HS3ST5: variants seen among roughly 807,000 people sequenced by gnomAD.
HS3ST5 encodes the protein heparan sulfate-glucosamine 3-sulfotransferase 5.
Under a neutral mutation model 25.4 loss-of-function variants are expected in HS3ST5, and 10 were observed. The ratio of observed to expected loss-of-function variants is 0.39; its 90% CI spans 0.24 to 0.67. The LOEUF (loss-of-function observed/expected upper bound fraction) is 0.67. Ranked by LOEUF, HS3ST5 falls within the 30% of genes least tolerant of loss-of-function variation. HS3ST5 has a pLI of 0.44. For missense variants in HS3ST5, 324 were observed against 420.7 expected (o/e 0.77, Z 2.01); for synonymous variants, 170 against 162.4 (o/e 1.05, Z -0.36).
chr6:114,337,824 T>G (rs1776669042), intron 1 of HS3ST5, among the ~76,000 whole-genome samples: 1 of 152,132 alleles, frequency 6.6e-6, no homozygotes, highest in African/African-American at 2.4e-5. Context: ...CTACCTGGAC[T>G]CAAATGCCAA....
intron 1 of HS3ST5, among the ~76,000 whole-genome samples, chr6:114,313,906 T>A (rs1305425270): frequency 6.9e-6 from 1 of 144,996 alleles, no homozygotes. Context: ...TTAACTAGAT[T>A]GTTGGATCTA....
chr6:114,274,851 G>A (rs957901906), intron 1 of HS3ST5, among the ~76,000 whole-genome samples: 5 of 151,860 alleles, frequency 3.3e-5, no homozygotes, highest in African/African-American at 1.2e-4. Context: ...CTGAGAATGT[G>A]TCAGAGTCAT....
chr6:114,336,525 T>C (rs1484709595), intron 1 of HS3ST5, among the ~76,000 whole-genome samples: 1 of 152,228 alleles, frequency 6.6e-6, no homozygotes, highest in Non-Finnish European at 1.5e-5. Context: ...CGAAATCACT[T>C]GAACCCAAGA....
chr6:114,188,340 CATTT>C (rs1315623700), intron 2 of HS3ST5, among the ~76,000 whole-genome samples: 8 of 152,168 alleles, frequency 5.3e-5, no homozygotes, highest in Non-Finnish European at 8.8e-5. Context: ...TCTGCCATAG[CATTT>C]AGCACAATTG....
intron 2 of HS3ST5, among the ~76,000 whole-genome samples, chr6:114,187,861 G>C (rs542879168): frequency 6.6e-6 from 1 of 152,200 alleles, no homozygotes; most frequent in East Asian, 1.9e-4. Flanking sequence ...AGCGACCACA[G>C]ACCTGACCAG....
At chr6:114,154,372 T>C (rs1028956980) in intron 3 of HS3ST5, among the ~76,000 whole-genome samples, 26 of 152,052 alleles carry the variant, frequency 1.7e-4, no homozygotes, top group African/African-American at 6.0e-4. Flanking sequence ...AAAATTTGGA[T>C]TGAGACTGAG....
intron 3 of HS3ST5, among the ~76,000 whole-genome samples, chr6:114,105,990 T>C (rs918731227): frequency 7.9e-5 from 12 of 152,182 alleles, no homozygotes; most frequent in African/African-American, 2.9e-4. Context: ...ACCAGTAAGC[T>C]GTAATGTTGT....
chr6:114,253,046 G>T (rs1772736565), intron 1 of HS3ST5, among the ~76,000 whole-genome samples: 1 of 152,074 alleles, frequency 6.6e-6, no homozygotes, highest in African/African-American at 2.4e-5. Flanking sequence ...TTAGGTGGGT[G>T]GGTATTGTAG....
intron 1 of HS3ST5, among the ~76,000 whole-genome samples, chr6:114,265,133 C>T (rs1448349914): frequency 7.9e-5 from 12 of 152,098 alleles, no homozygotes; most frequent in African/African-American, 2.9e-4. Context: ...GATCTTCTGG[C>T]CTCAGCCTCC....
chr6:114,096,101 C>T (rs1775410989), intron 3 of HS3ST5, among the ~76,000 whole-genome samples: 1 of 152,176 alleles, frequency 6.6e-6, no homozygotes, highest in Non-Finnish European at 1.5e-5. Flanking sequence ...AGCGTTCACT[C>T]ACCTATTAAG....
intron 1 of HS3ST5, among the ~76,000 whole-genome samples, chr6:114,302,655 C>T (rs771375255): frequency 1.3e-5 from 2 of 152,146 alleles, no homozygotes; most frequent in African/African-American, 4.8e-5. Flanking sequence ...CAACTGTCAA[C>T]ATTTGCCAAG....
chr6:114,093,843 C>CATTAGATACATTAGATAAT (rs1270997568), intron 3 of HS3ST5, among the ~76,000 whole-genome samples: 1 of 152,082 alleles, frequency 6.6e-6, no homozygotes, highest in Admixed American at 6.6e-5. Flanking sequence ...ATTGAATAGG[C>CATTAGATACATTAGATAAT]AGGTACATTA....
intron 1 of HS3ST5, among the ~76,000 whole-genome samples, chr6:114,337,216 C>T (rs1288052934): frequency 6.6e-6 from 1 of 152,152 alleles, no homozygotes; most frequent in African/African-American, 2.4e-5. Flanking sequence ...CATCTTAAAA[C>T]TGTGCAATTA....
intron 1 of HS3ST5, among the ~76,000 whole-genome samples, chr6:114,247,269 G>C (rs1032121028): frequency 6.6e-6 from 1 of 152,154 alleles, no homozygotes; most frequent in African/African-American, 2.4e-5. Context: ...CTCAGTAATT[G>C]TGTAGAGGTG....
chr6:114,191,640 A>T (rs1006357650), intron 2 of HS3ST5, among the ~76,000 whole-genome samples: 2 of 152,164 alleles, frequency 1.3e-5, no homozygotes, highest in Non-Finnish European at 2.9e-5. Flanking sequence ...TCCTCAGGCA[A>T]AGTCAAATAT....
intron 1 of HS3ST5, among the ~76,000 whole-genome samples, chr6:114,273,514 G>A (rs997702886): frequency 5.3e-5 from 8 of 151,996 alleles, no homozygotes; most frequent in Non-Finnish European, 1.2e-4. Context: ...GAAGAGGAAA[G>A]AAAAGACATC....
At chr6:114,150,848 G>A (rs889885537) in intron 3 of HS3ST5, among the ~76,000 whole-genome samples, 10 of 152,172 alleles carry the variant, frequency 6.6e-5, no homozygotes, top group Non-Finnish European at 1.3e-4. Context: ...ATTGTCTTAT[G>A]TGAATTACAT....
chr6:114,253,906 C>G (rs1367557941), intron 1 of HS3ST5, among the ~76,000 whole-genome samples: 4 of 152,168 alleles, frequency 2.6e-5, no homozygotes, highest in Non-Finnish European at 5.9e-5. Flanking sequence ...GAAATGTTCT[C>G]TCTGGCTCTT....
At chr6:114,166,711 T>C (rs1358552398) in intron 3 of HS3ST5, among the ~76,000 whole-genome samples, 1 of 152,142 alleles carries the variant, frequency 6.6e-6, no homozygotes, top group Non-Finnish European at 1.5e-5. Flanking sequence ...CATTACTGAG[T>C]CACCTAGATT....
Sources: allele counts gnomAD v4.1 joint callset (sites outside exome capture counted in the v4.1 genomes callset), GRCh38; gene constraint gnomAD v4.1.1; transcripts MANE v1.5; gene names NCBI Gene and HGNC (gene_info 2026-07-23, HGNC 2026-07-21).